The following BRWD1 variants were observed in gnomAD, a reference collection of about 807,000 sequenced individuals.
The protein encoded by BRWD1 is bromodomain and WD repeat domain containing 1.
Under a neutral mutation model 251.2 loss-of-function variants are expected in BRWD1, and 82 were observed. That is an observed-to-expected ratio of 0.33 (90% CI 0.27 to 0.39). The LOEUF is 0.39. Among genes scored for constraint, BRWD1 ranks in the 10% least tolerant of loss-of-function variants. BRWD1 has a pLI of 1.00. For synonymous variants in BRWD1, 918 were observed against 902.8 expected, an observed-to-expected ratio of 1.02 and a Z score of -0.30; for missense variants, 2,233 against 2,711.6, an observed-to-expected ratio of 0.82 and a Z score of 3.92.
rs8128894 is a variant in BRWD1, at chr21:39,309,784, C to T, written c.198+3057G>A. On this transcript the variant is annotated intron_variant, in intron 4 of 40. Transcript: ENST00000342449. ...AGCTTGCAGTGAGCCGAGATCGCAC[C>T]GCTGCACTCCAGCCTGGGCGACAGA... 4.1e-5 allele frequency among the ~76,000 whole-genome samples: 6 copies of T among 146,854 alleles called. No homozygotes were observed. In the South Asian group the frequency reaches 8.6e-4, roughly 21 times the overall value.
chr21:39,246,317 C>G (rs1189017953), intron 21 of BRWD1, among the ~76,000 whole-genome samples: 1 of 152,154 alleles, frequency 6.6e-6, no homozygotes, highest in Non-Finnish European at 1.5e-5. Flanking sequence ...CCAAGAGATA[C>G]CACTTCACGC....
At chr21:39,222,763 T>C (rs554121369) in intron 29 of BRWD1, among the ~76,000 whole-genome samples, 2 of 152,224 alleles carry the variant, frequency 1.3e-5, no homozygotes, top group South Asian at 4.1e-4. Flanking sequence ...AATTAGTGAG[T>C]GGAAACAGCA....
At position 39,276,156 on chromosome 21, in the gene BRWD1, A is replaced by C. The variant is rs1412847076; in HGVS notation, c.1145+17T>G. Reference sequence around the variant, plus strand: ...TGCCTAATAACACACACACACACATACAAAACACACACTTACCGATCACCA... The same window carrying C: ...TGCCTAATAACACACACACACACATCCAAAACACACACTTACCGATCACCA... On this transcript the variant is annotated intron_variant, in intron 12 of 40. Coordinates refer to ENST00000342449, the MANE Select transcript of BRWD1 (RefSeq NM_033656.4). 6.2e-7 allele frequency: 1 copy of C among 1,602,782 alleles called. No homozygotes were observed. The highest frequency in any genetic ancestry group is 1.7e-5 in the Admixed American group (1 of 58,624).
chr21:39,214,903 C>CAA (rs2032819474), intron 32 of BRWD1, among the ~76,000 whole-genome samples: 1 of 121,126 alleles, frequency 8.3e-6, no homozygotes, highest in Non-Finnish European at 1.7e-5. Context: ...TTTCTGGAGA[C>CAA]AGAGTTTTGC....
intron 15 of BRWD1, 101 bp from the exon 16 acceptor site, chr21:39,265,120 T>TA (rs2034879041): frequency 6.9e-5 from 78 of 1,129,874 alleles, no homozygotes; most frequent in South Asian, 4.2e-4. Context: ...ATATCCCTTC[T>TA]GAAAAAAAAA....
chr21:39,233,443 GCA>G (rs1179825083), intron 23 of BRWD1, among the ~76,000 whole-genome samples: 2 of 151,968 alleles, frequency 1.3e-5, no homozygotes, highest in African/African-American at 4.8e-5. Context: ...CTTGAAATCA[GCA>G]CAGTGTACAC....
rs1190590098 is a variant in BRWD1, at chr21:39,198,888, T to C, written c.5528A>G (p.Asn1843Ser). Reference protein sequence around the residue: ...EDGKCHKMEMNPISGNLNCDP... With the variant: ...EDGKCHKMEMSPISGNLNCDP... ...ACAGTTCAGATTTCCTGAAATTGGG[T>C]TCATTTCCATTTTATGACATTTCCC... is the stretch of plus-strand genomic sequence containing the variant. The change falls in exon 40 of 41, where the codon AAC (asparagine) becomes AGC (serine). Residue 1843 changes from asparagine (N) to serine (S), a missense_variant. Asn to Ser is a conservative substitution (Grantham distance 46). Transcript: ENST00000342449. 2 of 1,614,152 alleles carry C rather than the reference T, an allele frequency of 1.2e-6. No homozygotes were observed. Among genetic ancestry groups the C allele is most frequent in the South Asian group, 2.2e-5 (2 of 91,070 alleles).
chr21:39,239,078 A>G (rs2033905898), intron 21 of BRWD1, among the ~76,000 whole-genome samples: 1 of 152,116 alleles, frequency 6.6e-6, no homozygotes, highest in African/African-American at 2.4e-5. Context: ...TATATTGTGA[A>G]TATAAGTCAT....
chr21:39,256,748 C>A (rs1048348047), intron 18 of BRWD1, among the ~76,000 whole-genome samples: 1 of 152,184 alleles, frequency 6.6e-6, no homozygotes, highest in South Asian at 2.1e-4. Flanking sequence ...GCTACTAACA[C>A]AACAGAAAAA....
intron 17 of BRWD1, among the ~76,000 whole-genome samples, chr21:39,261,328 C>A (rs2034737598): frequency 6.6e-6 from 1 of 152,154 alleles, no homozygotes; most frequent in African/African-American, 2.4e-5. Context: ...ATTTGCAGAG[C>A]TCTCACAGGA....
chr21:39,281,250 T>C (rs2035447757), intron 8 of BRWD1, among the ~76,000 whole-genome samples: 1 of 152,108 alleles, frequency 6.6e-6, no homozygotes, highest in Non-Finnish European at 1.5e-5. Context: ...TACAGCAATA[T>C]ACAGTATTGA....
At position 39,286,309 on chromosome 21, in the gene BRWD1, C is replaced by T. The variant is rs117741056; in HGVS notation, c.832-6061G>A. ...CTGGGATTACAGGCGTAAGCCACCG[C>T]GCCCGGCCCATATGAACCATTTTAA... On this transcript the variant is annotated intron_variant, in intron 8 of 40. Transcript: ENST00000342449. Among the ~76,000 whole-genome samples, 1,341 of 152,050 alleles carry T rather than the reference C, an allele frequency of 8.8e-3. 9 individuals carry two copies. Among genetic ancestry groups the T allele is most frequent in the Non-Finnish European group, 0.015 (1,001 of 67,978 alleles).
Position 39,236,601 on chromosome 21 carries a change from C to G in BRWD1, c.2760G>C (p.Lys920Asn). 1 of 1,599,998 alleles carries G rather than the reference C, an allele frequency of 6.3e-7. No homozygotes were observed. Among genetic ancestry groups the G allele is most frequent in the Non-Finnish European group, 8.5e-7 (1 of 1,172,208 alleles). Reference sequence around the variant, plus strand: ...AAAGATACGTTTTTCTTACCTCCTTCTTAGGCTTATTTTCTTTCTTTCTCT... The same window carrying G: ...AAAGATACGTTTTTCTTACCTCCTTGTTAGGCTTATTTTCTTTCTTTCTCT... Reference protein sequence around the residue: ...RRKRKKENKPKKENLRRMTPA... With the variant: ...RRKRKKENKPNKENLRRMTPA... The change falls in exon 23 of 41, where the codon AAG (lysine) becomes AAC (asparagine). Residue 920 changes from lysine (K) to asparagine (N), a missense_variant. This residue lies in a region of BRWD1 where 214 missense variants were observed against 222.0 expected (regional missense o/e 0.96). Coordinates refer to ENST00000342449, the MANE Select transcript of BRWD1 (RefSeq NM_033656.4).
At chr21:39,232,121 A>G (rs2033639346) in intron 25 of BRWD1, 56 bp downstream of exon 25, 3 of 1,279,158 alleles carry the variant, frequency 2.3e-6, no homozygotes, top group African/African-American at 1.5e-5. Flanking sequence ...ATTTGTAAGT[A>G]ATTTAACTAT....
In BRWD1 at chr21:39,191,460, C is replaced by CTTAA. The variant is rs1211437949; in HGVS notation, c.*4798_*4799insTTAA. The CTTAA allele has an allele frequency of 4.1e-6, 4 of 981,662 alleles. No individual in the cohort carries two copies. Among genetic ancestry groups the CTTAA allele is most frequent in the Non-Finnish European group, 4.8e-6 (4 of 826,822 alleles). 60.8% of individuals were successfully genotyped at this position (981,662 alleles called of 1,614,324 possible). A position where few individuals can be genotyped will look rare whatever the true frequency, so the allele number is the denominator to read the frequency against. On this transcript the variant is annotated 3_prime_UTR_variant, in exon 41 of 41. Coordinates refer to ENST00000342449, the MANE Select transcript of BRWD1 (RefSeq NM_033656.4). ...TGAAAATGCTAAATTTATTATATCC[C>CTTAA]ATTTAAGAACTGACAAAAATCATCT... is the stretch of plus-strand genomic sequence containing the variant.
intron 18 of BRWD1, 85 bp from the exon 19 acceptor site, chr21:39,255,913 G>T: frequency 8.4e-7 from 1 of 1,183,972 alleles, no homozygotes; most frequent in Non-Finnish European, 1.2e-6. Context: ...GTTCACCTAA[G>T]ATGCGCACCA....
Position 39,196,328 on chromosome 21 carries a change from C to A in BRWD1, c.6741G>T (p.Val2247=). 6.2e-7 allele frequency: 1 copy of A among 1,613,130 alleles called. No individual in the cohort carries two copies. Among genetic ancestry groups the A allele is most frequent in the South Asian group, 1.1e-5 (1 of 90,948 alleles). ...TGTCATCATCCCCATCATGGTATCT[C>A]ACAGTCCTTCTACCCTGATTTCTCG... ...IKTRNQGRRT[V]RYHDGDDDRS... Residue 2247 remains valine (V), a synonymous_variant, in exon 41 of 41, where the codon GTG becomes GTT. Transcript: ENST00000342449.
chr21:39,243,769 T>A (rs1044763197), intron 21 of BRWD1, among the ~76,000 whole-genome samples: 3 of 152,048 alleles, frequency 2.0e-5, no homozygotes, highest in Non-Finnish European at 4.4e-5. Context: ...GATAATTATA[T>A]CACTTGTTTT....
At chr21:39,215,670 C>T (rs1465227851) in intron 31 of BRWD1, among the ~76,000 whole-genome samples, 2 of 151,992 alleles carry the variant, frequency 1.3e-5, no homozygotes, top group Non-Finnish European at 2.9e-5. Flanking sequence ...TGTTGAATCT[C>T]AATAAAGAAA....
Sources: gnomAD v4.1 joint callset for allele counts (sites outside exome capture counted in the v4.1 genomes callset) on GRCh38, gnomAD v4.1.1 for gene constraint, gnomAD v4.1.1 regional missense constraint, MANE v1.5 for transcripts, NCBI Gene and HGNC (gene_info 2026-07-23, HGNC 2026-07-21) for gene names.